RORA: variants seen among roughly 807,000 people sequenced by gnomAD.
RORA encodes RAR related orphan receptor A.
In RORA, 7 loss-of-function variants were observed where a neutral mutation model predicts 69.5. That is an observed-to-expected ratio of 0.10 (90% CI 0.06 to 0.19). RORA has a LOEUF of 0.19. Among genes scored for constraint, RORA ranks in the 10% least tolerant of loss-of-function variants. The pLI, the probability that RORA is intolerant of heterozygous loss-of-function variation, is 1.00. For missense variants in RORA, 457 were observed against 663.0 expected (o/e 0.69, Z 3.41); for synonymous variants, 261 against 240.8 (o/e 1.08, Z -0.78).
At chr15:61,155,104 G>C (rs979955839) in intron 1 of RORA, among the ~76,000 whole-genome samples, 1 of 152,158 alleles carries the variant, frequency 6.6e-6, no homozygotes, top group African/African-American at 2.4e-5. Flanking sequence ...GATTTTAAAT[G>C]TTGTCACCAC....
chr15:61,024,451 G>GTTTT (rs34652090), intron 1 of RORA, among the ~76,000 whole-genome samples: 1 of 134,774 alleles, frequency 7.4e-6, no homozygotes, highest in African/African-American at 2.8e-5. Context: ...GCCCGGTAAT[G>GTTTT]TTTTTTTTTT....
intron 2 of RORA, among the ~76,000 whole-genome samples, chr15:60,596,550 A>G (rs2068669850): frequency 6.6e-6 from 1 of 152,086 alleles, no homozygotes; most frequent in South Asian, 2.1e-4. Context: ...TTGGGAAGCT[A>G]TGGACACATC....
At chr15:60,638,386 CTTTTTTTTT>C (rs375782514) in intron 2 of RORA, among the ~76,000 whole-genome samples, 1 of 117,922 alleles carries the variant, frequency 8.5e-6, no homozygotes, top group African/African-American at 3.2e-5. Context: ...ATTTTCTTTT[CTTTTTTTTT>C]TTTTTTTGTC....
At chr15:61,094,837 A>G (rs2078765220) in intron 1 of RORA, among the ~76,000 whole-genome samples, 1 of 152,220 alleles carries the variant, frequency 6.6e-6, no homozygotes, top group South Asian at 2.1e-4. Context: ...CAACAGATAC[A>G]TGGGCATATG....
intron 1 of RORA, among the ~76,000 whole-genome samples, chr15:60,993,644 C>CA (rs3053932): frequency 0.35 from 29,211 of 82,918 alleles, 5,168 homozygotes; most frequent in African/African-American, 0.42. Flanking sequence ...CTCTCCATCT[C>CA]AAAAAAAAAA....
chr15:60,835,059 A>G (rs367918991), intron 1 of RORA, among the ~76,000 whole-genome samples: 1 of 152,194 alleles, frequency 6.6e-6, no homozygotes, highest in East Asian at 1.9e-4. Context: ...TGGACTTGTA[A>G]TTGTGAAGCT....
At chr15:60,672,360 G>T (rs964136931) in intron 2 of RORA, among the ~76,000 whole-genome samples, 2 of 152,090 alleles carry the variant, frequency 1.3e-5, no homozygotes, top group Non-Finnish European at 2.9e-5. Flanking sequence ...TTTAAACTGG[G>T]GATTGCCTTT....
chr15:61,199,146 T>C (rs930062391), intron 1 of RORA, among the ~76,000 whole-genome samples: 1 of 152,164 alleles, frequency 6.6e-6, no homozygotes, highest in Non-Finnish European at 1.5e-5. Flanking sequence ...TGCATTTTAA[T>C]TTAACCCTAA....
intron 3 of RORA, among the ~76,000 whole-genome samples, chr15:60,517,110 C>CTTTTTT (rs34707279): frequency 1.4e-5 from 2 of 141,274 alleles, no homozygotes; most frequent in African/African-American, 5.6e-5. Context: ...TTCATCTGTG[C>CTTTTTT]TTTTTTTTTT....
At chr15:61,137,269 A>C (rs2079254773) in intron 1 of RORA, among the ~76,000 whole-genome samples, 1 of 152,310 alleles carries the variant, frequency 6.6e-6, no homozygotes, top group South Asian at 2.1e-4. Flanking sequence ...CAGGCTCTTC[A>C]TCATTCACTC....
At chr15:60,539,298 C>T (rs2066782887) in intron 2 of RORA, among the ~76,000 whole-genome samples, 1 of 152,160 alleles carries the variant, frequency 6.6e-6, no homozygotes, top group Non-Finnish European at 1.5e-5. Flanking sequence ...GAATATTAAT[C>T]CTTTGTAATA....
At chr15:60,873,089 C>T (rs1212052373) in intron 1 of RORA, among the ~76,000 whole-genome samples, 1 of 152,060 alleles carries the variant, frequency 6.6e-6, no homozygotes, top group Non-Finnish European at 1.5e-5. Flanking sequence ...TTTGTCTCTC[C>T]CAGTCTCAGC....
chr15:61,005,526 G>C (rs1412430528), intron 1 of RORA, among the ~76,000 whole-genome samples: 2 of 152,100 alleles, frequency 1.3e-5, no homozygotes, highest in Non-Finnish European at 2.9e-5. Flanking sequence ...CATAACTAAT[G>C]AAATGCTGAG....
intron 1 of RORA, among the ~76,000 whole-genome samples, chr15:60,835,923 C>G (rs2073108982): frequency 6.6e-6 from 1 of 152,196 alleles, no homozygotes; most frequent in South Asian, 2.1e-4. Context: ...CAAATAGCTT[C>G]CCTGGTATTT....
intron 1 of RORA, among the ~76,000 whole-genome samples, chr15:61,170,724 TATACCA>T (rs2079577900): frequency 6.6e-6 from 1 of 152,236 alleles, no homozygotes; most frequent in Admixed American, 6.5e-5. Flanking sequence ...ATTATATCAA[TATACCA>T]ATACCAGCAC....
At chr15:61,138,452 C>G (rs893656924) in intron 1 of RORA, among the ~76,000 whole-genome samples, 3 of 152,120 alleles carry the variant, frequency 2.0e-5, no homozygotes, top group African/African-American at 7.2e-5. Context: ...CGTCATTACT[C>G]CCCCAGGGTT....
At chr15:61,136,147 G>T (rs2079238139) in intron 1 of RORA, among the ~76,000 whole-genome samples, 1 of 152,098 alleles carries the variant, frequency 6.6e-6, no homozygotes, top group Non-Finnish European at 1.5e-5. Context: ...AAGAGTTCCT[G>T]GCCATAGAAG....
chr15:60,496,972 C>G lies in RORA; in HGVS notation c.*483G>C, dbSNP rs903332628. ...TATGGACCCTTTTCATGCCATCCTG[C>G]GGACTGGCAATAATCGGTGAAAAAA... On this transcript the variant is annotated 3_prime_UTR_variant, in exon 11 of 11. Transcript: ENST00000335670. This position sits in a 1 kb window ranked among gnomAD's most constrained non-coding sequence, Gnocchi z 4.5. 2.0e-5 allele frequency: 3 copies of G among 153,668 alleles called. No homozygotes were observed. The highest frequency in any genetic ancestry group is 7.2e-5 in the African/African-American group (3 of 41,412). 9.5% of individuals were successfully genotyped at this position (153,668 alleles called of 1,614,324 possible). A position where few individuals can be genotyped will look rare whatever the true frequency, so the allele number is the denominator to read the frequency against.
At chr15:60,546,634 T>A (rs1468717032) in intron 2 of RORA, among the ~76,000 whole-genome samples, 3 of 152,212 alleles carry the variant, frequency 2.0e-5, no homozygotes, top group Non-Finnish European at 4.4e-5. Context: ...TCCAAAGGAC[T>A]TCCTGTGGGG....
Sources: allele counts gnomAD v4.1 joint callset (sites outside exome capture counted in the v4.1 genomes callset), GRCh38; gene constraint gnomAD v4.1.1; non-coding constraint Gnocchi (gnomAD v3.1); transcripts MANE v1.5; gene names NCBI Gene and HGNC (gene_info 2026-07-23, HGNC 2026-07-21).